The following PMS1 variants were observed in gnomAD, a reference collection of about 807,000 sequenced individuals.
The protein encoded by PMS1 is PMS1 homolog 1, mismatch repair system component, also known as PMS1 protein homolog 1.
PMS1 carries 79 observed loss-of-function variants against 93.1 expected under a neutral mutation model. That is an observed-to-expected ratio of 0.85 (90% CI 0.71 to 1.02). The LOEUF (loss-of-function observed/expected upper bound fraction) is 1.02, where lower values mean the gene tolerates loss of function less well. PMS1 is among the 50% of genes least tolerant of loss of function. The probability of loss-of-function intolerance (pLI) is 0.00; values close to 1 mark genes in which losing one functional copy is unlikely to be tolerated. For synonymous variants in PMS1, 335 were observed against 363.4 expected, an observed-to-expected ratio of 0.92 and a Z score of 0.89; for missense variants, 1,064 against 1,085.3, an observed-to-expected ratio of 0.98 and a Z score of 0.28.
Position 189,877,351 on chromosome 2 carries a change from A to G in PMS1, c.2714A>G (p.Lys905Arg). 1.9e-6 allele frequency: 3 copies of G among 1,613,230 alleles called. No homozygotes were observed. The highest frequency in any genetic ancestry group is 2.5e-6 in the Non-Finnish European group (3 of 1,179,118). Residue 905 changes from lysine to arginine, a missense_variant, in exon 13 of 13, where the codon AAG (lysine) becomes AGG (arginine). Lys to Arg is a conservative substitution (Grantham distance 26). Coordinates refer to ENST00000441310, the MANE Select transcript of PMS1 (RefSeq NM_000534.5). ...EDIQDIIYRM[K>R]HQFGNEIKEC... is the part of the protein sequence containing the mutation. Reference sequence around the variant, plus strand: ...ATCCAAGACATTATCTACAGAATGAAGCACCAGTTTGGAAATGAAATTAAA... The same window carrying G: ...ATCCAAGACATTATCTACAGAATGAGGCACCAGTTTGGAAATGAAATTAAA...
rs987896795 is a variant in PMS1, at chr2:189,835,231, G to A, written c.583-8733G>A. ...AAGAAAAGAATATAAAATTAAATAAGTGTAAGAGATTTTAGAACTCATTTA... is the reference window on the plus strand; with the variant it reads ...AAGAAAAGAATATAAAATTAAATAAATGTAAGAGATTTTAGAACTCATTTA... On this transcript the variant is annotated intron_variant, in intron 5 of 12. Transcript: ENST00000441310. 2.4e-4 allele frequency among the ~76,000 whole-genome samples: 37 copies of A among 152,212 alleles called. No homozygotes were observed. The Middle Eastern group carries it at 0.01, about 42-fold the overall frequency.
At position 189,854,913 on chromosome 2, in the gene PMS1, C is replaced by T. The variant is rs1559307819; in HGVS notation, c.1641C>T (p.Asn547=). ...EQMNLNEDSC[N]KKSNVIDNKS... ...TGAATCTTAATGAAGATTCATGTAA[C>T]AAAAAATCAAATGTAATAGATAATA... is the stretch of plus-strand genomic sequence containing the variant. The change falls in exon 9 of 13, where the codon AAC becomes AAT. Residue 547 remains asparagine, a synonymous_variant. Coordinates refer to ENST00000441310, the MANE Select transcript of PMS1 (RefSeq NM_000534.5). 1.2e-6 allele frequency: 2 copies of T among 1,602,406 alleles called. No homozygotes were observed. Among genetic ancestry groups the T allele is most frequent in the East Asian group, 2.2e-5 (1 of 44,776 alleles).
rs147156769 is a variant in PMS1 at position 189,801,262 on chromosome 2, G to A, written c.316-4390G>A. ...ATCAGCAACTGACACAAATTTACTC[G>A]TAATGGTTTTCTTTAAAATCATAAC... On this transcript the variant is annotated intron_variant, in intron 3 of 12. Coordinates refer to ENST00000441310, the MANE Select transcript of PMS1 (RefSeq NM_000534.5). Among the ~76,000 whole-genome samples, 89 of 152,268 alleles carry A rather than the reference G, an allele frequency of 5.8e-4. No individual in the cohort carries two copies. The East Asian group carries it at 0.015, about 25-fold the overall frequency.
At position 189,877,390 on chromosome 2, in the gene PMS1, G is replaced by A. The variant is rs1192141552; in HGVS notation, c.2753G>A (p.Gly918Asp). The A allele has an allele frequency of 1.2e-6, 2 of 1,613,354 alleles. No homozygotes were observed. The highest frequency in any genetic ancestry group is 1.7e-6 in the Non-Finnish European group (2 of 1,179,388). The change falls in exon 13 of 13, where the codon GGT (glycine) becomes GAT (aspartate). Residue 918 changes from glycine (G) to aspartate (D), a missense_variant. Transcript: ENST00000441310. ...FGNEIKECVH[G>D]RPFFHHLTYL... ...AATGAAATTAAAGAGTGTGTTCATG[G>A]TCGCCCATTTTTTCATCATTTAACC...
rs1283254234 is a variant in PMS1, at chr2:189,876,767, CCA to C, written c.2635-503_2635-502del. 3.3e-5 allele frequency among the ~76,000 whole-genome samples: 5 copies of C among 149,806 alleles called. No homozygotes were observed. In the East Asian group the frequency reaches 9.7e-4, roughly 29 times the overall value. On this transcript the variant is annotated intron_variant, in intron 12 of 12. Transcript: ENST00000441310. ...GGACTACAGGCATGCCCCACCGTGCCCACTTTTTTTTTTTTTTTTTTTTTTGT... is the reference window on the plus strand; with the variant it reads ...GGACTACAGGCATGCCCCACCGTGCCCTTTTTTTTTTTTTTTTTTTTTTGT...
intron 5 of PMS1, among the ~76,000 whole-genome samples, chr2:189,830,154 C>G (rs969877849): frequency 6.6e-6 from 1 of 152,136 alleles, no homozygotes; most frequent in African/African-American, 2.4e-5. Flanking sequence ...TACAGCTGTT[C>G]AGCCCTGTTG....
intron 5 of PMS1, among the ~76,000 whole-genome samples, chr2:189,823,652 A>G (rs2052167090): frequency 6.6e-6 from 1 of 152,192 alleles, no homozygotes; most frequent in African/African-American, 2.4e-5. Flanking sequence ...AAAAGTATTT[A>G]TTGAATAAGG....
intron 4 of PMS1, among the ~76,000 whole-genome samples, chr2:189,807,912 G>T (rs1388573650): frequency 3.0e-4 from 46 of 151,814 alleles, no homozygotes. Context: ...ATAGTTGATT[G>T]GTTAGGAAAA....
At position 189,863,770 on chromosome 2, in the gene PMS1, G is replaced by T. The variant is rs752879348; in HGVS notation, c.1884G>T (p.Leu628Phe). Residue 628 changes from leucine to phenylalanine, a missense_variant, in exon 10 of 13, where the codon TTG (leucine) becomes TTT (phenylalanine). Transcript: ENST00000441310. ...LKYEEKATKD[L>F]ERYNSQMKRA... Reference sequence around the variant, plus strand: ...ATGAAGAGAAGGCTACTAAAGACTTGGAACGATACAATAGTCAAATGAAGA... The same window carrying T: ...ATGAAGAGAAGGCTACTAAAGACTTTGAACGATACAATAGTCAAATGAAGA... 4.6e-5 allele frequency: 73 copies of T among 1,603,122 alleles called. No individual in the cohort carries two copies. The South Asian group carries it at 7.7e-4, about 17-fold the overall frequency.
intron 5 of PMS1, among the ~76,000 whole-genome samples, chr2:189,826,203 G>T (rs2052412077): frequency 1.3e-5 from 2 of 152,166 alleles, no homozygotes. Flanking sequence ...TTGGACCAAT[G>T]TTAAGGGTCA....
At chr2:189,840,619 T>C (rs748878126) in intron 5 of PMS1, among the ~76,000 whole-genome samples, 2 of 152,220 alleles carry the variant, frequency 1.3e-5, no homozygotes, top group African/African-American at 2.4e-5. Flanking sequence ...AGCTCTGCTA[T>C]TTTGCTGTGC....
chr2:189,814,600 G>A (rs1344302891), intron 4 of PMS1, among the ~76,000 whole-genome samples: 1 of 151,978 alleles, frequency 6.6e-6, no homozygotes, highest in Non-Finnish European at 1.5e-5. Flanking sequence ...TTTGTTAAAT[G>A]CCTACAGATT....
In PMS1 at chr2:189,867,833, T is replaced by C. The variant is rs1145234; in HGVS notation, c.2377T>C (p.Tyr793His). ...FNGSHYLDVL[Y>H]KMTADDQRYS... Reference sequence around the variant, plus strand: ...TGGATCTCATTATTTAGACGTTTTATATAAAATGACAGCAGATGACCAAAG... The same window carrying C: ...TGGATCTCATTATTTAGACGTTTTACATAAAATGACAGCAGATGACCAAAG... Residue 793 changes from tyrosine to histidine, a missense_variant, in exon 11 of 13, where the codon TAT (tyrosine) becomes CAT (histidine). Physicochemically the swap from Tyr to His is moderately conservative, Grantham distance 83. Coordinates refer to ENST00000441310, the MANE Select transcript of PMS1 (RefSeq NM_000534.5). The C allele has an allele frequency of 2.7e-3, 4,251 of 1,579,274 alleles. 70 individuals are homozygous for C. In the African/African-American group the frequency reaches 0.045, roughly 17 times the overall value.
chr2:189,804,339 C>A (rs1363384130), intron 3 of PMS1, among the ~76,000 whole-genome samples: 1 of 152,194 alleles, frequency 6.6e-6, no homozygotes, highest in Non-Finnish European at 1.5e-5. Flanking sequence ...AAGAAAATCT[C>A]TAGCACTTTC....
At chr2:189,786,756 G>C (rs1413282109) in intron 1 of PMS1, among the ~76,000 whole-genome samples, 1 of 152,164 alleles carries the variant, frequency 6.6e-6, no homozygotes, top group Non-Finnish European at 1.5e-5. Context: ...AATATAGGAA[G>C]AAAGTTGATT....
chr2:189,841,772 G>A (rs2053839118), intron 5 of PMS1, among the ~76,000 whole-genome samples: 1 of 1,126 alleles, frequency 8.9e-4, no homozygotes, highest in African/African-American at 3.8e-3. Context: ...GACATCATTG[G>A]TTTTCAAATG....
chr2:189,843,511 C>T (rs1393862476), intron 5 of PMS1, among the ~76,000 whole-genome samples: 1 of 152,186 alleles, frequency 6.6e-6, no homozygotes, highest in African/African-American at 2.4e-5. Flanking sequence ...TTATGTAAAT[C>T]CTGTAACATA....
intron 2 of PMS1, 45 bp from the exon 3 acceptor site, chr2:189,795,724 G>GTTT: frequency 7.1e-7 from 1 of 1,413,652 alleles, no homozygotes; most frequent in East Asian, 2.3e-5. Context: ...TGTGATAACA[G>GTTT]TTTAATATTT....
chr2:189,830,774 A>G (rs1337406304), intron 5 of PMS1, among the ~76,000 whole-genome samples: 2 of 152,246 alleles, frequency 1.3e-5, no homozygotes, highest in Non-Finnish European at 2.9e-5. Flanking sequence ...CTGGACTGTA[A>G]GCGTAGGCCT....
Sources: gnomAD v4.1 joint callset for allele counts (sites outside exome capture counted in the v4.1 genomes callset) on GRCh38, gnomAD v4.1.1 for gene constraint, MANE v1.5 for transcripts, NCBI Gene and HGNC (gene_info 2026-07-23, HGNC 2026-07-21) for gene names.